Variants in DLG2 observed in about 807,000 individuals in gnomAD.
DLG2 encodes disks large homolog 2.
In DLG2, 45 loss-of-function variants were observed where a neutral mutation model predicts 132.5. The ratio of observed to expected loss-of-function variants is 0.34; its 90% CI spans 0.27 to 0.44. The LOEUF is 0.44. Ranked by LOEUF, DLG2 falls within the 20% of genes least tolerant of loss-of-function variation. The pLI is 1.00. For synonymous variants in DLG2, 424 were observed against 419.6 expected, an observed-to-expected ratio of 1.01 and a Z score of -0.13; for missense variants, 1,045 against 1,196.9, an observed-to-expected ratio of 0.87 and a Z score of 1.87.
intron 17 of DLG2, chr11:83,814,867 C>T (rs2048397564): frequency 1.3e-5 from 3 of 238,882 alleles, no homozygotes. Flanking sequence ...ACACTTGAGT[C>T]CCCATGCTCT....
In DLG2 at chr11:85,150,010, A is replaced by ATTTTTT. The variant is rs962380618; in HGVS notation, c.282+4540_282+4545dup. 6.5e-3 allele frequency among the ~76,000 whole-genome samples: 728 copies of ATTTTTT among 112,302 alleles called. 54 individuals carry two copies. Among genetic ancestry groups the ATTTTTT allele is most frequent in the African/African-American group, 0.026 (682 of 26,092 alleles). 73.7% of individuals were successfully genotyped at this position (112,302 alleles called of 152,430 possible). A position where few individuals can be genotyped will look rare whatever the true frequency, so the allele number is the denominator to read the frequency against. ...ATTAACTCAAAAACATCAGTTTTTA[A>ATTTTTT]TTTTTTTTTTTTTTTTTTTTTTTTT... On this transcript the variant is annotated intron_variant, in intron 5 of 27. Coordinates refer to ENST00000376104, the MANE Select transcript of DLG2 (RefSeq NM_001142699.3).
chr11:84,832,329 C>T (rs555480458), intron 6 of DLG2, among the ~76,000 whole-genome samples: 2 of 151,578 alleles, frequency 1.3e-5, no homozygotes, highest in African/African-American at 2.4e-5. Context: ...AGCAACAAAC[C>T]CTTTTGGTCT....
At chr11:85,285,126 C>G in intron 4 of DLG2, 94 bp downstream of exon 4, 1 of 1,079,732 alleles carries the variant, frequency 9.3e-7, no homozygotes, top group Non-Finnish European at 1.3e-6. Flanking sequence ...TTGTTGTTGC[C>G]ATTTGTTGAT....
At chr11:85,572,744 A>G (rs2077916394) in intron 3 of DLG2, among the ~76,000 whole-genome samples, 1 of 152,208 alleles carries the variant, frequency 6.6e-6, no homozygotes. Context: ...TCACACATGC[A>G]CGCAACTCAA....
chr11:85,605,459 A>G (rs1194280395), intron 2 of DLG2, among the ~76,000 whole-genome samples: 2 of 152,242 alleles, frequency 1.3e-5, no homozygotes, highest in African/African-American at 4.8e-5. Context: ...TTGTATTTGT[A>G]ACATATAAAT....
At chr11:84,520,208 G>A (rs1197089400) in intron 7 of DLG2, among the ~76,000 whole-genome samples, 5 of 151,988 alleles carry the variant, frequency 3.3e-5, no homozygotes, top group Non-Finnish European at 7.4e-5. Flanking sequence ...TACTCTAAAG[G>A]TCTTGATGTC....
chr11:85,278,699 A>T (rs1392535371), intron 4 of DLG2, among the ~76,000 whole-genome samples: 3 of 152,172 alleles, frequency 2.0e-5, no homozygotes, highest in Non-Finnish European at 4.4e-5. Flanking sequence ...CACCTGCAAG[A>T]CCTTCAACCC....
At chr11:84,202,366 G>A (rs962369093) in intron 8 of DLG2, among the ~76,000 whole-genome samples, 1 of 152,126 alleles carries the variant, frequency 6.6e-6, no homozygotes, top group Non-Finnish European at 1.5e-5. Flanking sequence ...AAGCAATGAG[G>A]AAAGGATTCT....
chr11:85,111,417 T>A (rs962458095), intron 6 of DLG2, among the ~76,000 whole-genome samples: 2 of 152,074 alleles, frequency 1.3e-5, no homozygotes, highest in African/African-American at 4.8e-5. Context: ...CAACTCTAAC[T>A]CATCAATAAC....
intron 6 of DLG2, among the ~76,000 whole-genome samples, chr11:84,701,185 C>T (rs1458141243): frequency 6.6e-6 from 1 of 151,446 alleles, no homozygotes; most frequent in East Asian, 2.0e-4. Flanking sequence ...CTCTTACTTC[C>T]AATACATTTT....
intron 6 of DLG2, among the ~76,000 whole-genome samples, chr11:85,055,986 A>C (rs1023512839): frequency 2.0e-5 from 3 of 152,180 alleles, no homozygotes; most frequent in African/African-American, 7.2e-5. Flanking sequence ...CTCTAGCTGC[A>C]CTTAATTTCT....
intron 3 of DLG2, among the ~76,000 whole-genome samples, chr11:85,413,994 G>C (rs557506845): frequency 2.0e-5 from 3 of 151,984 alleles, no homozygotes; most frequent in African/African-American, 7.2e-5. Context: ...TTGGCAGTAC[G>C]GTCATTTTCA....
intron 7 of DLG2, among the ~76,000 whole-genome samples, chr11:84,522,351 T>C (rs144186038): frequency 1.8e-4 from 28 of 152,266 alleles, no homozygotes; most frequent in Non-Finnish European, 3.5e-4. Context: ...ATTACTTCTG[T>C]ATGTGCCCTA....
intron 3 of DLG2, among the ~76,000 whole-genome samples, chr11:85,361,310 AT>A (rs11432662): frequency 1.3e-5 from 2 of 149,018 alleles, no homozygotes; most frequent in African/African-American, 4.9e-5. Context: ...AGACTTTTCT[AT>A]TTTTTTTTTT....
At chr11:84,673,345 C>T (rs779627724) in intron 6 of DLG2, among the ~76,000 whole-genome samples, 1 of 151,948 alleles carries the variant, frequency 6.6e-6, no homozygotes, top group Non-Finnish European at 1.5e-5. Flanking sequence ...CAATTTAGAG[C>T]GGTAGCATGG....
intron 4 of DLG2, among the ~76,000 whole-genome samples, chr11:85,229,126 T>G: frequency 6.6e-6 from 1 of 151,996 alleles, no homozygotes; most frequent in East Asian, 1.9e-4. Context: ...TTACCCTCTT[T>G]CTGTCTTTTC....
At chr11:84,918,092 A>C (rs778097110) in intron 6 of DLG2, among the ~76,000 whole-genome samples, 4 of 152,190 alleles carry the variant, frequency 2.6e-5, no homozygotes, top group Non-Finnish European at 5.9e-5. Context: ...CAGCATAAGG[A>C]GACAGAGTTT....
rs769219035 is a variant in DLG2 at position 84,059,391 on chromosome 11, G to A, written c.843C>T (p.Ile281=). 4.3e-6 allele frequency: 7 copies of A among 1,613,302 alleles called. No individual in the cohort carries two copies. The highest frequency in any genetic ancestry group is 2.5e-6 in the Non-Finnish European group (3 of 1,179,720). ...AVEALKEAGS[I]VRLYVRRRRP... The stretch of plus-strand genomic sequence containing the variant: ...GTCTTCTACGCACATACAGCCGAAC[G>A]ATAGACCCTGCTTCCTTCAGGGCTT... The change falls in exon 11 of 28, where the codon ATC becomes ATT. Residue 281 remains isoleucine (I), a synonymous_variant. Transcript: ENST00000376104.
intron 5 of DLG2, among the ~76,000 whole-genome samples, chr11:85,133,579 T>C (rs1251209874): frequency 2.0e-5 from 3 of 152,230 alleles, no homozygotes; most frequent in Non-Finnish European, 4.4e-5. Flanking sequence ...TTCTCCTTTT[T>C]TGTGTTTACC....
Sources: gnomAD v4.1 joint callset for allele counts (sites outside exome capture counted in the v4.1 genomes callset) on GRCh38, gnomAD v4.1.1 for gene constraint, MANE v1.5 for transcripts, NCBI Gene and HGNC (gene_info 2026-07-23, HGNC 2026-07-21) for gene names.